The following MTMR14 variants were observed in gnomAD, a reference collection of about 807,000 sequenced individuals.
MTMR14 encodes the protein myotubularin related protein 14.
In MTMR14, 48 loss-of-function variants were observed where a neutral mutation model predicts 86.3. The observed-to-expected ratio is 0.56, with a 90% CI of 0.44 to 0.71. MTMR14 has a LOEUF of 0.71. Ranked by LOEUF, MTMR14 falls within the 30% of genes least tolerant of loss-of-function variation. The probability of loss-of-function intolerance (pLI) is 0.00; values close to 1 mark genes in which losing one functional copy is unlikely to be tolerated. For missense variants in MTMR14, 780 were observed against 834.6 expected, an observed-to-expected ratio of 0.93 and a Z score of 0.81; for synonymous variants, 366 against 326.1, an observed-to-expected ratio of 1.12 and a Z score of -1.32.
At chr3:9,694,328 C>A (rs969573594) in intron 17 of MTMR14, among the ~76,000 whole-genome samples, 10 of 144,418 alleles carry the variant, frequency 6.9e-5, no homozygotes, top group Non-Finnish European at 1.2e-4. Context: ...TTCAGGCCCC[C>A]CTCCCGTAAG....
chr3:9,682,064 G>T (rs1057370880), intron 9 of MTMR14, among the ~76,000 whole-genome samples: 1 of 152,218 alleles, frequency 6.6e-6, no homozygotes, highest in East Asian at 1.9e-4. Flanking sequence ...GTACAGTGCA[G>T]CTCTTACCTC....
chr3:9,655,768 G>A (rs967064870), intron 2 of MTMR14, among the ~76,000 whole-genome samples: 1 of 151,800 alleles, frequency 6.6e-6, no homozygotes, highest in Non-Finnish European at 1.5e-5. Flanking sequence ...GCCTCTTGAT[G>A]TCTTAAATAC....
At chr3:9,672,881 A>T in intron 7 of MTMR14, 123 bp downstream of exon 7, 1 of 891,936 alleles carries the variant, frequency 1.1e-6, no homozygotes, top group Non-Finnish European at 1.9e-6. Context: ...TGTGTCAGGC[A>T]GTGTAGGACA....
At chr3:9,699,041 G>A (rs532754188) in intron 18 of MTMR14, among the ~76,000 whole-genome samples, 3 of 151,928 alleles carry the variant, frequency 2.0e-5, no homozygotes, top group Admixed American at 6.6e-5. Context: ...GGTGGTGAAT[G>A]CCTATTAGTA....
intron 18 of MTMR14, chr3:9,700,249 G>A (rs1336006801): frequency 6.6e-6 from 1 of 152,322 alleles, no homozygotes; most frequent in Non-Finnish European, 1.5e-5. Flanking sequence ...GGACTGTCCA[G>A]GGATTGGTTT....
intron 9 of MTMR14, among the ~76,000 whole-genome samples, chr3:9,681,167 C>CTGAA (rs767479874): frequency 6.6e-6 from 1 of 152,184 alleles, no homozygotes; most frequent in Non-Finnish European, 1.5e-5. Flanking sequence ...GTGAGGCTTA[C>CTGAA]TGAATGAATG....
At chr3:9,660,531 G>C (rs891154038) in intron 2 of MTMR14, among the ~76,000 whole-genome samples, 1 of 152,132 alleles carries the variant, frequency 6.6e-6, no homozygotes, top group Non-Finnish European at 1.5e-5. Context: ...AAAGTGCTAG[G>C]ATTACAGGTG....
chr3:9,698,006 A>G, intron 18 of MTMR14, 140 bp downstream of exon 18: 1 of 1,237,422 alleles, frequency 8.1e-7, no homozygotes. Flanking sequence ...CAGCTGCTGG[A>G]CCCGAGGTAT....
At chr3:9,667,434 G>A (rs2048316485) in intron 3 of MTMR14, among the ~76,000 whole-genome samples, 2 of 151,928 alleles carry the variant, frequency 1.3e-5, no homozygotes, top group African/African-American at 2.4e-5. Context: ...ATTATGATGT[G>A]TACATATTTT....
In MTMR14 at chr3:9,697,725, C is replaced by A; in HGVS notation, c.1628C>A (p.Pro543His). The A allele has an allele frequency of 6.2e-7, 1 of 1,614,062 alleles. No individual in the cohort carries two copies. Among genetic ancestry groups the A allele is most frequent in the Non-Finnish European group, 8.5e-7 (1 of 1,180,000 alleles). ...EVPKPRSVDH[P>H]LPGSSLSTDY... ...CTCTGCCCCAGATCAGTGGACCATC[C>A]CCTGCCCGGATCCTCTCTCTCCACA... The change falls in exon 18 of 19, where the codon CCC (proline) becomes CAC (histidine). Residue 543 changes from proline (P) to histidine (H), a missense_variant. Pro to His is a moderately conservative substitution (Grantham distance 77). Transcript: ENST00000296003.
chr3:9,685,617 A>C (rs1016640496), intron 13 of MTMR14, among the ~76,000 whole-genome samples: 4 of 152,048 alleles, frequency 2.6e-5, no homozygotes, highest in Non-Finnish European at 4.4e-5. Context: ...ATGCAGCAGC[A>C]CTTCTCTTCC....
At position 9,652,937 on chromosome 3, in the gene MTMR14, G is replaced by A. The variant is rs149749334; in HGVS notation, c.160-684G>A. 1.9e-3 allele frequency among the ~76,000 whole-genome samples: 292 copies of A among 152,166 alleles called. 2 individuals carry two copies. The highest frequency in any genetic ancestry group is 6.8e-3 in the African/African-American group (284 of 41,522). On this transcript the variant is annotated intron_variant, in intron 1 of 18. Transcript: ENST00000296003. The stretch of plus-strand genomic sequence containing the variant: ...AGCTTGGATGACAGAGTGAGACTGT[G>A]TCTTTTAAAAAAATAAAGGCCGGGT...
chr3:9,671,777 T>C (rs779574008), intron 6 of MTMR14, among the ~76,000 whole-genome samples: 6 of 152,146 alleles, frequency 3.9e-5, no homozygotes, highest in Non-Finnish European at 7.3e-5. Context: ...AACTAAAAAA[T>C]AGAGCCTGGG....
chr3:9,674,677 G>A (rs919159776), intron 7 of MTMR14, among the ~76,000 whole-genome samples: 1 of 152,172 alleles, frequency 6.6e-6, no homozygotes, highest in Non-Finnish European at 1.5e-5. Flanking sequence ...ACGTCACAGA[G>A]CTTAAGATAG....
At chr3:9,690,878 G>A (rs35339120) in intron 17 of MTMR14, among the ~76,000 whole-genome samples, 158 of 152,246 alleles carry the variant, frequency 1.0e-3, no homozygotes, top group Middle Eastern at 3.4e-3. Context: ...GAATTCCAGG[G>A]AAAAAGGGGC....
At chr3:9,667,396 G>A (rs769993611) in intron 3 of MTMR14, among the ~76,000 whole-genome samples, 7 of 152,140 alleles carry the variant, frequency 4.6e-5, no homozygotes, top group Non-Finnish European at 8.8e-5. Flanking sequence ...ACTTGAGAGA[G>A]TCCAGAAATC....
intron 13 of MTMR14, among the ~76,000 whole-genome samples, chr3:9,687,176 C>T (rs1041102667): frequency 9.2e-5 from 14 of 152,220 alleles, no homozygotes; most frequent in Non-Finnish European, 1.9e-4. Context: ...CCCTGGGAAT[C>T]TTAGAAGAGG....
At chr3:9,688,830 G>T in intron 15 of MTMR14, 76 bp downstream of exon 15, 1 of 1,609,530 alleles carries the variant, frequency 6.2e-7, no homozygotes, top group Non-Finnish European at 8.5e-7. Context: ...AACTGTTTGT[G>T]CTAAGAGGTT....
In MTMR14 at chr3:9,662,395, T is replaced by TTCA. The variant is rs771857970; in HGVS notation, c.417+22_417+24dup. Reference sequence around the variant, plus strand: ...GGCAAGGTAAGGCCCATACCATAGCTTCATGCTCCACGACTCTCTTCTGGG... The same window carrying TTCA: ...GGCAAGGTAAGGCCCATACCATAGCTTCATCATGCTCCACGACTCTCTTCTGGG... On this transcript the variant is annotated intron_variant, in intron 3 of 18. Coordinates refer to ENST00000296003, the MANE Select transcript of MTMR14 (RefSeq NM_001077525.3). 1 of 1,593,278 alleles carries TTCA rather than the reference T, an allele frequency of 6.3e-7. No individual in the cohort carries two copies. The highest frequency in any genetic ancestry group is 1.3e-5 in the African/African-American group (1 of 74,452).
Sources: gnomAD v4.1 joint callset for allele counts (sites outside exome capture counted in the v4.1 genomes callset) on GRCh38, gnomAD v4.1.1 for gene constraint, MANE v1.5 for transcripts, NCBI Gene and HGNC (gene_info 2026-07-23, HGNC 2026-07-21) for gene names.